NCAM2: variants seen among roughly 807,000 people sequenced by gnomAD.
NCAM2 encodes N-CAM-2.
NCAM2 carries 30 observed loss-of-function variants against 98.1 expected under a neutral mutation model. That is an observed-to-expected ratio of 0.31 (90% CI 0.23 to 0.41). The LOEUF (loss-of-function observed/expected upper bound fraction) is 0.41, where lower values mean the gene tolerates loss of function less well. NCAM2 is among the 10% of genes least tolerant of loss of function. The probability of loss-of-function intolerance (pLI) is 1.00; values close to 1 mark genes in which losing one functional copy is unlikely to be tolerated. For synonymous variants in NCAM2, 368 were observed against 342.4 expected (o/e 1.07, Z -0.83); for missense variants, 867 against 1,005.8 (o/e 0.86, Z 1.87).
rs899825065 is a variant in NCAM2, at chr21:21,490,501, AAT to A, written c.2077+13033_2077+13034del. ...TTATCATTTCATTTTAGTTAGTAAAAATATGTTACACACTGTAAAGAATGCAT... is the reference window on the plus strand; with the variant it reads ...TTATCATTTCATTTTAGTTAGTAAAAATGTTACACACTGTAAAGAATGCAT... On this transcript the variant is annotated intron_variant, in intron 15 of 17. Transcript: ENST00000400546. 1.5e-4 allele frequency among the ~76,000 whole-genome samples: 23 copies of A among 152,048 alleles called. No individual in the cohort carries two copies. In the East Asian group the frequency reaches 1.7e-3, roughly 11 times the overall value.
At chr21:21,510,268 A>T (rs1479015448) in intron 16 of NCAM2, among the ~76,000 whole-genome samples, 1 of 152,160 alleles carries the variant, frequency 6.6e-6, no homozygotes, top group Non-Finnish European at 1.5e-5. Flanking sequence ...TTATATGTGT[A>T]ACACAAAGCC....
At chr21:21,069,369 TAA>T (rs1478734861) in intron 1 of NCAM2, among the ~76,000 whole-genome samples, 2 of 152,316 alleles carry the variant, frequency 1.3e-5, no homozygotes, top group Non-Finnish European at 2.9e-5. Flanking sequence ...CCCTTTAGGT[TAA>T]AAATGCGTTA....
intron 15 of NCAM2, among the ~76,000 whole-genome samples, chr21:21,507,884 C>T (rs1300194352): frequency 1.3e-5 from 2 of 151,182 alleles, no homozygotes; most frequent in Non-Finnish European, 2.9e-5. Flanking sequence ...ATATTTCTTC[C>T]TTATTCTTCT....
rs61400853 is a variant in NCAM2 at position 21,032,944 on chromosome 21, CT to C, written c.55+34343del. On this transcript the variant is annotated intron_variant, in intron 1 of 17. Transcript: ENST00000400546. Reference sequence around the variant, plus strand: ...CAGCACATGGTTTCTTTCTTTCTTTCTTTTTTTTTTTTTTTTTGAGACAGAG... The same window carrying C: ...CAGCACATGGTTTCTTTCTTTCTTTCTTTTTTTTTTTTTTTTGAGACAGAG... Among the ~76,000 whole-genome samples, 1,293 of 148,594 alleles carry C rather than the reference CT, an allele frequency of 8.7e-3. 14 individuals carry two copies. The highest frequency in any genetic ancestry group is 0.03 in the African/African-American group (1,184 of 39,684).
chr21:21,516,275 C>T (rs761800260), intron 16 of NCAM2, among the ~76,000 whole-genome samples: 2 of 152,056 alleles, frequency 1.3e-5, no homozygotes, highest in Non-Finnish European at 2.9e-5. Flanking sequence ...ACAGGCATTT[C>T]ATAACATCAG....
intron 8 of NCAM2, among the ~76,000 whole-genome samples, chr21:21,357,592 G>T (rs2075525086): frequency 6.6e-6 from 1 of 151,988 alleles, no homozygotes; most frequent in Non-Finnish European, 1.5e-5. Flanking sequence ...TTATAGCATT[G>T]TCTTTAAGAT....
At chr21:21,389,204 G>A (rs749077836) in intron 9 of NCAM2, among the ~76,000 whole-genome samples, 1 of 152,236 alleles carries the variant, frequency 6.6e-6, no homozygotes. Flanking sequence ...GAAGGCAAAT[G>A]AGGAGCAAAG....
At chr21:21,398,065 G>C (rs113910556) in intron 9 of NCAM2, among the ~76,000 whole-genome samples, 12 of 152,182 alleles carry the variant, frequency 7.9e-5, no homozygotes, top group African/African-American at 2.9e-4. Context: ...TAGTGTGTGC[G>C]TGAATACTAT....
At chr21:21,245,638 T>A (rs2071238617) in intron 1 of NCAM2, among the ~76,000 whole-genome samples, 1 of 152,210 alleles carries the variant, frequency 6.6e-6, no homozygotes, top group Non-Finnish European at 1.5e-5. Flanking sequence ...TGCCTAAATA[T>A]TTCACTGCAC....
chr21:21,018,471 C>T (rs1464385633), intron 1 of NCAM2, among the ~76,000 whole-genome samples: 1 of 152,218 alleles, frequency 6.6e-6, no homozygotes, highest in East Asian at 1.9e-4. Flanking sequence ...GACTGCACAA[C>T]TGAATTATCA....
intron 14 of NCAM2, among the ~76,000 whole-genome samples, chr21:21,474,033 A>G (rs1984830901): frequency 6.6e-6 from 1 of 152,048 alleles, no homozygotes; most frequent in Non-Finnish European, 1.5e-5. Context: ...CATCTCATTA[A>G]GTTACCTAGG....
chr21:21,355,938 C>G (rs987662640), intron 8 of NCAM2, among the ~76,000 whole-genome samples: 2 of 152,062 alleles, frequency 1.3e-5, no homozygotes, highest in African/African-American at 4.8e-5. Context: ...GGGATAGTCA[C>G]CTTTAACAAT....
intron 12 of NCAM2, among the ~76,000 whole-genome samples, chr21:21,456,842 G>A (rs1207484513): frequency 6.6e-6 from 1 of 152,094 alleles, no homozygotes; most frequent in African/African-American, 2.4e-5. Flanking sequence ...ATCTATGTGA[G>A]GGTGGAATGA....
At position 21,417,869 on chromosome 21, in the gene NCAM2, A is replaced by G. The variant is rs145777635; in HGVS notation, c.1384-604A>G. Among the ~76,000 whole-genome samples the G allele has an allele frequency of 3.0e-3, 449 of 152,170 alleles. 5 individuals are homozygous for G. Among genetic ancestry groups the G allele is most frequent in the African/African-American group, 0.01 (425 of 41,562 alleles). On this transcript the variant is annotated intron_variant, in intron 10 of 17. Coordinates refer to ENST00000400546, the MANE Select transcript of NCAM2 (RefSeq NM_004540.5). ...TGCAAAGAGTAACATTTTATTGCAC[A>G]GTATGTTCCTGGAAAGATTTCATTA...
chr21:21,007,286 G>A (rs1287902580), intron 1 of NCAM2, among the ~76,000 whole-genome samples: 2 of 152,032 alleles, frequency 1.3e-5, no homozygotes, highest in Admixed American at 6.6e-5. Flanking sequence ...CATTCCCAGC[G>A]CTTTTTTTTG....
intron 8 of NCAM2, among the ~76,000 whole-genome samples, chr21:21,352,334 A>G (rs1324505514): frequency 6.6e-6 from 1 of 151,920 alleles, no homozygotes; most frequent in Non-Finnish European, 1.5e-5. Flanking sequence ...GTTGTTCAGG[A>G]TGGTCATGAA....
At chr21:21,185,186 T>G (rs2146934125) in intron 1 of NCAM2, among the ~76,000 whole-genome samples, 1 of 152,196 alleles carries the variant, frequency 6.6e-6, no homozygotes, top group Admixed American at 6.6e-5. Context: ...TATAGGTGGG[T>G]TTTATTTTTA....
chr21:21,157,107 A>T (rs1451917758), intron 1 of NCAM2, among the ~76,000 whole-genome samples: 4 of 151,868 alleles, frequency 2.6e-5, no homozygotes, highest in African/African-American at 7.3e-5. Flanking sequence ...CGTGTTCCTT[A>T]TCCCCAAGGG....
chr21:21,101,259 A>G (rs2066234800), intron 1 of NCAM2, among the ~76,000 whole-genome samples: 1 of 152,090 alleles, frequency 6.6e-6, no homozygotes, highest in South Asian at 2.1e-4. Flanking sequence ...TAAACATAAT[A>G]GAAAATAAAT....
Sources: gnomAD v4.1 joint callset for allele counts (sites outside exome capture counted in the v4.1 genomes callset) on GRCh38, gnomAD v4.1.1 for gene constraint, MANE v1.5 for transcripts, NCBI Gene and HGNC (gene_info 2026-07-23, HGNC 2026-07-21) for gene names.